Variants in KIAA1549L observed in about 807,000 individuals in gnomAD.
The protein encoded by KIAA1549L is KIAA1549 like.
In KIAA1549L, 88 loss-of-function variants were observed where a neutral mutation model predicts 160.7. That is an observed-to-expected ratio of 0.55 (90% CI 0.46 to 0.65). The LOEUF (loss-of-function observed/expected upper bound fraction) is 0.65, where lower values mean the gene tolerates loss of function less well. KIAA1549L is among the 30% of genes least tolerant of loss of function. The pLI, the probability that KIAA1549L is intolerant of heterozygous loss-of-function variation, is 0.00. For synonymous variants in KIAA1549L, 950 were observed against 976.7 expected, an observed-to-expected ratio of 0.97 and a Z score of 0.51; for missense variants, 2,258 against 2,437.5, an observed-to-expected ratio of 0.93 and a Z score of 1.55.
At chr11:33,407,081 ATTTTTT>A (rs750670251) in intron 1 of KIAA1549L, among the ~76,000 whole-genome samples, 4 of 100,134 alleles carry the variant, frequency 4.0e-5, no homozygotes, top group East Asian at 3.2e-4. Flanking sequence ...TTCTTTTTTC[ATTTTTT>A]TTTTTTTTTT....
chr11:33,647,531 A>T (rs1851760056), intron 17 of KIAA1549L, among the ~76,000 whole-genome samples: 1 of 152,150 alleles, frequency 6.6e-6, no homozygotes, highest in African/African-American at 2.4e-5. Flanking sequence ...AGTTTTTGTG[A>T]CTTAAATCAC....
chr11:33,495,275 C>T (rs1360939368), intron 1 of KIAA1549L, among the ~76,000 whole-genome samples: 1 of 151,228 alleles, frequency 6.6e-6, no homozygotes, highest in African/African-American at 2.4e-5. Context: ...ATCCCTCCCC[C>T]ATCCCCCCAC....
Position 33,543,396 on chromosome 11 carries a change from C to A in KIAA1549L, c.1833C>A (p.Ile611=). 1 of 1,614,032 alleles carries A rather than the reference C, an allele frequency of 6.2e-7. No individual in the cohort carries two copies. The highest frequency in any genetic ancestry group is 8.5e-7 in the Non-Finnish European group (1 of 1,179,884). Residue 611 remains isoleucine, a synonymous_variant, in exon 2 of 21, where the codon ATC becomes ATA. Coordinates refer to ENST00000658780, the MANE Select transcript of KIAA1549L (RefSeq NM_012194.3). ...DFSTGSVSSP[I]ITAPRTNPLP... ...GCACCGGTAGTGTCTCATCTCCCAT[C>A]ATTACAGCACCAAGGACGAATCCCC...
chr11:33,446,750 C>T (rs1200170460), intron 1 of KIAA1549L, among the ~76,000 whole-genome samples: 3 of 152,124 alleles, frequency 2.0e-5, no homozygotes, highest in African/African-American at 7.2e-5. Flanking sequence ...TTCTTTTCCA[C>T]ATGGGCGTCT....
intron 1 of KIAA1549L, among the ~76,000 whole-genome samples, chr11:33,416,472 A>C (rs1032854069): frequency 8.5e-5 from 13 of 152,128 alleles, no homozygotes; most frequent in South Asian, 2.1e-4. Context: ...GAAAAAAAAA[A>C]CCAACACAAC....
chr11:33,435,778 A>ATG (rs1293537942), intron 1 of KIAA1549L, among the ~76,000 whole-genome samples: 3 of 17,630 alleles, frequency 1.7e-4, no homozygotes, highest in African/African-American at 1.0e-3. Context: ...ATATATATAT[A>ATG]TATATATATA....
At chr11:33,460,604 T>C (rs1405622070) in intron 1 of KIAA1549L, among the ~76,000 whole-genome samples, 5 of 152,352 alleles carry the variant, frequency 3.3e-5, no homozygotes, top group African/African-American at 1.2e-4. Context: ...CTATTGTGAA[T>C]GCATGTGTGT....
intron 16 of KIAA1549L, among the ~76,000 whole-genome samples, chr11:33,634,699 A>G (rs1851392718): frequency 1.3e-5 from 2 of 152,120 alleles, no homozygotes; most frequent in African/African-American, 4.8e-5. Context: ...ACCTTCTTTT[A>G]TCCTTGTCTG....
At position 33,543,284 on chromosome 11, in the gene KIAA1549L, A is replaced by C. The variant is rs1446155098; in HGVS notation, c.1721A>C (p.Glu574Ala). The change falls in exon 2 of 21, where the codon GAG becomes GCG. Residue 574 changes from glutamate to alanine, a missense_variant. By Grantham distance (107) the Glu-to-Ala change is moderately radical. This residue lies in a region of KIAA1549L where 540 missense variants were observed against 465.7 expected (regional missense o/e 1.16). Coordinates refer to ENST00000658780, the MANE Select transcript of KIAA1549L (RefSeq NM_012194.3). The stretch of plus-strand genomic sequence containing the variant: ...ACAGCCATTTTAGGGAAGAATGAAG[A>C]GGCAAATGTGACGATTCCTCTCCAG... ...SVTAILGKNE[E>A]ANVTIPLQAF... The C allele has an allele frequency of 1.2e-6, 2 of 1,614,058 alleles. No homozygotes were observed. The highest frequency in any genetic ancestry group is 3.3e-5 in the Admixed American group (2 of 60,030).
At chr11:33,532,820 A>T (rs2133153502) in intron 1 of KIAA1549L, among the ~76,000 whole-genome samples, 1 of 152,314 alleles carries the variant, frequency 6.6e-6, no homozygotes, top group South Asian at 2.1e-4. Context: ...GACAAAGTGG[A>T]TTGTCTTGTG....
chr11:33,630,722 T>C (rs1370878846), intron 16 of KIAA1549L, among the ~76,000 whole-genome samples: 1 of 151,334 alleles, frequency 6.6e-6, no homozygotes, highest in Admixed American at 6.6e-5. Flanking sequence ...CAGATAGAAA[T>C]GCAGAAATCA....
chr11:33,519,703 G>C (rs541540385), intron 1 of KIAA1549L, among the ~76,000 whole-genome samples: 3 of 152,258 alleles, frequency 2.0e-5, no homozygotes, highest in African/African-American at 7.2e-5. Context: ...TTTCTTTAGA[G>C]GGGGGTACAT....
chr11:33,452,501 G>A (rs1851741072), intron 1 of KIAA1549L, among the ~76,000 whole-genome samples: 1 of 152,092 alleles, frequency 6.6e-6, no homozygotes, highest in South Asian at 2.1e-4. Context: ...CCAGCTACTC[G>A]GGAGGCTGAG....
chr11:33,574,493 G>A (rs947287470), intron 9 of KIAA1549L, among the ~76,000 whole-genome samples: 4 of 152,218 alleles, frequency 2.6e-5, no homozygotes, highest in Admixed American at 6.5e-5. Context: ...CCAGATGTTC[G>A]TATTTTTCAA....
At chr11:33,382,822 C>T (rs1262501081) in intron 1 of KIAA1549L, among the ~76,000 whole-genome samples, 1 of 152,098 alleles carries the variant, frequency 6.6e-6, no homozygotes, top group African/African-American at 2.4e-5. Flanking sequence ...GGCACCCTCT[C>T]CCTGCCCTGG....
intron 1 of KIAA1549L, among the ~76,000 whole-genome samples, chr11:33,484,783 G>C (rs141679536): frequency 6.6e-6 from 1 of 152,120 alleles, no homozygotes; most frequent in South Asian, 2.1e-4. Flanking sequence ...TCCCACTCCA[G>C]AATTTATAAG....
At chr11:33,523,174 T>C (rs947535912) in intron 1 of KIAA1549L, among the ~76,000 whole-genome samples, 13 of 152,362 alleles carry the variant, frequency 8.5e-5, no homozygotes, top group African/African-American at 2.9e-4. Flanking sequence ...TGACTTTAAC[T>C]CTGGAATTCC....
intron 13 of KIAA1549L, among the ~76,000 whole-genome samples, chr11:33,605,363 C>T (rs193082330): frequency 5.5e-4 from 84 of 152,146 alleles, no homozygotes; most frequent in African/African-American, 2.0e-3. Flanking sequence ...GTCCAGGAGG[C>T]AGATAATGGT....
In KIAA1549L at chr11:33,667,998, G is replaced by A. The variant is rs778857212; in HGVS notation, c.6285G>A (p.Ala2095=). 8.1e-6 allele frequency: 13 copies of A among 1,613,744 alleles called. No individual in the cohort carries two copies. Among genetic ancestry groups the A allele is most frequent in the African/African-American group, 8.0e-5 (6 of 74,906 alleles). The change falls in exon 21 of 21, where the codon GCG becomes GCA. Residue 2095 remains alanine (A), a synonymous_variant. Transcript: ENST00000658780. ...ACCCCAGCCTGGAGCAGGCCCCGGC[G>A]CCCTCCACAGCGGCCTCGCAGCAGA... The part of the protein sequence containing the change: ...NLHPSLEQAP[A]PSTAASQQSL...
Sources: allele counts gnomAD v4.1 joint callset (sites outside exome capture counted in the v4.1 genomes callset), GRCh38; gene constraint gnomAD v4.1.1; regional missense constraint gnomAD v4.1.1; transcripts MANE v1.5; gene names NCBI Gene and HGNC (gene_info 2026-07-23, HGNC 2026-07-21).